Variants in GALNTL6 observed in about 807,000 individuals in gnomAD.
GALNTL6 encodes the protein polypeptide N-acetylgalactosaminyltransferase like 6.
In GALNTL6, 46 loss-of-function variants were observed where a neutral mutation model predicts 73.7. The observed-to-expected ratio is 0.62, with a 90% CI of 0.49 to 0.80. The LOEUF (loss-of-function observed/expected upper bound fraction) is 0.80, where lower values mean the gene tolerates loss of function less well. GALNTL6 is among the 30% of genes least tolerant of loss of function. GALNTL6 has a pLI of 0.00. For missense variants in GALNTL6, 604 were observed against 755.0 expected (o/e 0.80, Z 2.34); for synonymous variants, 259 against 263.7 (o/e 0.98, Z 0.17).
rs569871233 is a variant in GALNTL6, at chr4:172,031,592, T to C, written c.139-198064T>C. 3.9e-5 allele frequency among the ~76,000 whole-genome samples: 6 copies of C among 152,152 alleles called. No individual in the cohort carries two copies. In the South Asian group the frequency reaches 1.2e-3, roughly 32 times the overall value. ...ATCTTTATTGAGTGGCAAGGAAGTATTAAAGAAACATTATTTCTGTAAGAA... is the reference window on the plus strand; with the variant it reads ...ATCTTTATTGAGTGGCAAGGAAGTACTAAAGAAACATTATTTCTGTAAGAA... On this transcript the variant is annotated intron_variant, in intron 2 of 12. Coordinates refer to ENST00000506823, the MANE Select transcript of GALNTL6 (RefSeq NM_001034845.3).
intron 2 of GALNTL6, among the ~76,000 whole-genome samples, chr4:172,120,876 C>T (rs1457910948): frequency 1.3e-5 from 2 of 151,628 alleles, no homozygotes; most frequent in African/African-American, 2.4e-5. Flanking sequence ...TTTTTGGTCT[C>T]GGTGATAGGC....
intron 3 of GALNTL6, among the ~76,000 whole-genome samples, chr4:172,260,491 TAGG>T (rs1256120177): frequency 6.6e-6 from 1 of 151,584 alleles, no homozygotes; most frequent in Non-Finnish European, 1.5e-5. Flanking sequence ...TTGTCAGTTC[TAGG>T]AGCTTTTTGA....
chr4:172,788,274 A>T (rs1356892185), intron 5 of GALNTL6, among the ~76,000 whole-genome samples: 1 of 152,194 alleles, frequency 6.6e-6, no homozygotes, highest in African/African-American at 2.4e-5. Context: ...CTGAAGCAGG[A>T]GGACCATTTG....
At chr4:171,879,673 C>T (rs1736383188) in intron 2 of GALNTL6, among the ~76,000 whole-genome samples, 1 of 152,056 alleles carries the variant, frequency 6.6e-6, no homozygotes, top group South Asian at 2.1e-4. Context: ...CTTCACAGAA[C>T]CCACAAGTTG....
chr4:172,149,399 A>G (rs1341860583), intron 2 of GALNTL6, among the ~76,000 whole-genome samples: 1 of 152,128 alleles, frequency 6.6e-6, no homozygotes. Flanking sequence ...CCTATGGGAC[A>G]TATCTTGCAG....
intron 5 of GALNTL6, among the ~76,000 whole-genome samples, chr4:172,806,611 C>T (rs1368973118): frequency 6.6e-6 from 1 of 152,166 alleles, no homozygotes; most frequent in Non-Finnish European, 1.5e-5. Flanking sequence ...CCTCCTCTCT[C>T]CCAAGAGAGG....
At chr4:171,901,931 A>G (rs1337340931) in intron 2 of GALNTL6, among the ~76,000 whole-genome samples, 3 of 152,196 alleles carry the variant, frequency 2.0e-5, no homozygotes, top group African/African-American at 7.2e-5. Context: ...ACAAATCCAG[A>G]TAAATAACTG....
Position 172,972,262 on chromosome 4 carries a change from G to C in GALNTL6, c.1371+20004G>C, listed in dbSNP as rs184040239. ...TAAGTGGACCAAAATGAATAAGGAT[G>C]TATAGAACCTAAACCATGTCATCAA... On this transcript the variant is annotated intron_variant, in intron 10 of 12. Transcript: ENST00000506823. Among the ~76,000 whole-genome samples, 531 of 152,246 alleles carry C rather than the reference G, an allele frequency of 3.5e-3. 2 individuals carry two copies. Among genetic ancestry groups the C allele is most frequent in the African/African-American group, 0.012 (508 of 41,538 alleles).
chr4:172,518,997 G>A lies in GALNTL6; in HGVS notation c.553+170308G>A, dbSNP rs17058582. On this transcript the variant is annotated intron_variant, in intron 5 of 12. Coordinates refer to ENST00000506823, the MANE Select transcript of GALNTL6 (RefSeq NM_001034845.3). The stretch of plus-strand genomic sequence containing the variant: ...TGCATGGAGAAGAGCACATAGTTAC[G>A]AAACTCAGTGTTGACTATCATGAAT... Among the ~76,000 whole-genome samples, 1,269 of 151,738 alleles carry A rather than the reference G, an allele frequency of 8.4e-3. 10 individuals carry two copies. The highest frequency in any genetic ancestry group is 0.029 in the African/African-American group (1,202 of 41,462).
At position 172,965,999 on chromosome 4, in the gene GALNTL6, A is replaced by G. The variant is rs549563387; in HGVS notation, c.1371+13741A>G. 1.4e-3 allele frequency among the ~76,000 whole-genome samples: 215 copies of G among 152,348 alleles called. 5 individuals carry two copies. In the South Asian group the frequency reaches 0.043, roughly 31 times the overall value. On this transcript the variant is annotated intron_variant, in intron 10 of 12. Coordinates refer to ENST00000506823, the MANE Select transcript of GALNTL6 (RefSeq NM_001034845.3). Reference sequence around the variant, plus strand: ...ATTCCAAGAATGACACTAAATTAATAGAATTTAAATAGAATGAATAAAATT... The same window carrying G: ...ATTCCAAGAATGACACTAAATTAATGGAATTTAAATAGAATGAATAAAATT...
At chr4:171,893,354 A>G (rs1185647908) in intron 2 of GALNTL6, among the ~76,000 whole-genome samples, 1 of 152,204 alleles carries the variant, frequency 6.6e-6, no homozygotes, top group Non-Finnish European at 1.5e-5. Flanking sequence ...TTACTATCCT[A>G]TTTTTAGTGA....
At chr4:173,003,658 T>C (rs1230404231) in intron 10 of GALNTL6, among the ~76,000 whole-genome samples, 2 of 152,328 alleles carry the variant, frequency 1.3e-5, no homozygotes, top group South Asian at 2.1e-4. Flanking sequence ...ACAAACCTTA[T>C]GTTGAGCCAT....
rs1561020331 is a variant in GALNTL6 at position 172,311,638 on chromosome 4, AC to A, written c.277del (p.Thr94LeufsTer25). 1.2e-6 allele frequency: 2 copies of A among 1,609,348 alleles called. No homozygotes were observed. Among genetic ancestry groups the A allele is most frequent in the East Asian group, 2.2e-5 (1 of 44,756 alleles). ...RSGKGEHGKP[Y>X]PLTEEDHDDS... The stretch of plus-strand genomic sequence containing the variant: ...GGGAAAGGTGAACATGGGAAACCTT[AC>A]CCCCTTACTGAAGAGGACCATGATG... On this transcript the variant is annotated frameshift_variant, in exon 4 of 13. Transcript: ENST00000506823. LOFTEE classifies it high-confidence loss of function.
intron 5 of GALNTL6, among the ~76,000 whole-genome samples, chr4:172,490,029 T>A (rs531492013): frequency 1.3e-5 from 2 of 152,310 alleles, no homozygotes; most frequent in South Asian, 4.1e-4. Flanking sequence ...CTTGGGATGT[T>A]TAAGGACTTT....
At chr4:172,706,836 T>A (rs1173946603) in intron 5 of GALNTL6, among the ~76,000 whole-genome samples, 3 of 152,184 alleles carry the variant, frequency 2.0e-5, no homozygotes, top group Non-Finnish European at 4.4e-5. Context: ...ATGTACAGCC[T>A]CTCTAACTTG....
chr4:171,922,368 A>G (rs1231363778), intron 2 of GALNTL6, among the ~76,000 whole-genome samples: 1 of 152,144 alleles, frequency 6.6e-6, no homozygotes, highest in Non-Finnish European at 1.5e-5. Flanking sequence ...TTCATCATTT[A>G]TAACAACCTC....
chr4:172,523,431 C>T (rs1331940343), intron 5 of GALNTL6, among the ~76,000 whole-genome samples: 1 of 152,098 alleles, frequency 6.6e-6, no homozygotes, highest in African/African-American at 2.4e-5. Context: ...GTGGCTCGAT[C>T]TCGGCTCATT....
intron 2 of GALNTL6, among the ~76,000 whole-genome samples, chr4:171,910,093 C>T (rs1441989576): frequency 2.6e-5 from 4 of 152,016 alleles, no homozygotes; most frequent in African/African-American, 4.8e-5. Flanking sequence ...TAGTATATTT[C>T]TTTTCTAGAA....
rs149883297 is a variant in GALNTL6 at position 172,951,361 on chromosome 4, C to T, written c.1150-676C>T. 3.5e-3 allele frequency among the ~76,000 whole-genome samples: 531 copies of T among 152,336 alleles called. 2 individuals carry two copies. The highest frequency in any genetic ancestry group is 0.012 in the African/African-American group (508 of 41,572). On this transcript the variant is annotated intron_variant, in intron 9 of 12. Coordinates refer to ENST00000506823, the MANE Select transcript of GALNTL6 (RefSeq NM_001034845.3). Reference sequence around the variant, plus strand: ...GCTTCCTACACTGAATCCATACACTCTCCTACACCTAAGATCCATGCTTAT... The same window carrying T: ...GCTTCCTACACTGAATCCATACACTTTCCTACACCTAAGATCCATGCTTAT...
Sources: allele counts gnomAD v4.1 joint callset (sites outside exome capture counted in the v4.1 genomes callset), GRCh38; gene constraint gnomAD v4.1.1; transcripts MANE v1.5; gene names NCBI Gene and HGNC (gene_info 2026-07-23, HGNC 2026-07-21).